Variants in ARFGEF1 observed in about 807,000 individuals in gnomAD.
ARFGEF1 encodes brefeldin A-inhibited guanine nucleotide-exchange protein 1.
ARFGEF1 carries 42 observed loss-of-function variants against 231.0 expected under a neutral mutation model. The observed-to-expected ratio is 0.18, with a 90% confidence interval of 0.14 to 0.24. The LOEUF is 0.24. Ranked by LOEUF, ARFGEF1 falls within the 10% of genes least tolerant of loss-of-function variation. ARFGEF1 has a pLI of 1.00. For missense variants in ARFGEF1, 1,345 were observed against 2,192.0 expected (o/e 0.61, Z 7.72); for synonymous variants, 710 against 732.3 (o/e 0.97, Z 0.49).
At chr8:67,265,766 C>T (rs548102060) in intron 14 of ARFGEF1, among the ~76,000 whole-genome samples, 3 of 151,988 alleles carry the variant, frequency 2.0e-5, no homozygotes, top group Non-Finnish European at 2.9e-5. Context: ...TGATACCCAT[C>T]AACAGCACTT....
downstream of ARFGEF1, chr8:67,195,310 C>T: frequency 1.1e-6 from 1 of 908,402 alleles, no homozygotes; most frequent in Non-Finnish European, 1.9e-6. Context: ...AGTTGGACTA[C>T]AAGAGACCTG....
At chr8:67,215,556 A>C (rs1164678719) in intron 33 of ARFGEF1, among the ~76,000 whole-genome samples, 1 of 152,230 alleles carries the variant, frequency 6.6e-6, no homozygotes, top group African/African-American at 2.4e-5. Context: ...TAAAACAAAA[A>C]GGAGAGGGAG....
intron 36 of ARFGEF1, among the ~76,000 whole-genome samples, 197 bp downstream of exon 36, chr8:67,202,885 TC>T (rs1381721514): frequency 6.6e-6 from 1 of 151,912 alleles, no homozygotes; most frequent in Admixed American, 6.6e-5. Flanking sequence ...GGGGAAAAAA[TC>T]CACCCAAGCA....
chr8:67,315,500 AAAC>A (rs564335873), intron 1 of ARFGEF1, among the ~76,000 whole-genome samples: 3 of 152,218 alleles, frequency 2.0e-5, no homozygotes, highest in Non-Finnish European at 4.4e-5. Context: ...TTGGGCCATA[AAAC>A]AAATCTCAAC....
At chr8:67,322,340 TC>T (rs1807635841) in intron 1 of ARFGEF1, among the ~76,000 whole-genome samples, 1 of 152,298 alleles carries the variant, frequency 6.6e-6, no homozygotes, top group East Asian at 1.9e-4. Flanking sequence ...TGCTCCTTCT[TC>T]CCCAGAATAC....
downstream of ARFGEF1, chr8:67,193,598 T>TA (rs748602759): frequency 1.8e-5 from 29 of 1,613,006 alleles, no homozygotes; most frequent in African/African-American, 3.6e-4. Flanking sequence ...AACCTATTAA[T>TA]ACAGGTAAAT....
At chr8:67,290,983 T>C (rs1294983850) in intron 6 of ARFGEF1, among the ~76,000 whole-genome samples, 1 of 150,424 alleles carries the variant, frequency 6.6e-6, no homozygotes, top group Non-Finnish European at 1.5e-5. Context: ...AATCAAGAGC[T>C]GAAAACATAT....
Position 67,252,229 on chromosome 8 carries a change from G to A in ARFGEF1, c.2699-779C>T, listed in dbSNP as rs149744068. Among the ~76,000 whole-genome samples, 436 of 135,988 alleles carry A rather than the reference G, an allele frequency of 3.2e-3. 3 individuals carry two copies. The highest frequency in any genetic ancestry group is 0.011 in the African/African-American group (389 of 35,980). The allele number at this position is 135,988 out of a possible 152,430, so 89.2% of individuals were successfully genotyped here. ...GGAGGTTGTGGTGAGCCAAGGTGGC[G>A]CCAAGCCAAGATCGCACCATTGCAC... On this transcript the variant is annotated intron_variant, in intron 18 of 38. Transcript: ENST00000262215.
chr8:67,284,785 C>T (rs537925818), intron 7 of ARFGEF1, among the ~76,000 whole-genome samples: 2 of 152,298 alleles, frequency 1.3e-5, no homozygotes, highest in Non-Finnish European at 2.9e-5. Flanking sequence ...ATCTCAGCAG[C>T]TAGCAACAAG....
At chr8:67,311,079 GC>G in intron 1 of ARFGEF1, among the ~76,000 whole-genome samples, 1 of 148,124 alleles carries the variant, frequency 6.8e-6, no homozygotes, top group East Asian at 2.1e-4. Flanking sequence ...GAGCCCCTCT[GC>G]CCGGCCAGCC....
At chr8:67,225,202 G>A (rs1839330309) in intron 28 of ARFGEF1, among the ~76,000 whole-genome samples, 169 bp from the exon 29 acceptor site, 1 of 152,152 alleles carries the variant, frequency 6.6e-6, no homozygotes, top group Admixed American at 6.6e-5. Context: ...TTTAGTATAT[G>A]TGCCACTGAA....
chr8:67,197,296 T>A (rs975469066), downstream of ARFGEF1, among the ~76,000 whole-genome samples: 2 of 151,998 alleles, frequency 1.3e-5, no homozygotes, highest in Non-Finnish European at 2.9e-5. Context: ...AAAAAAAATT[T>A]TTTTTTAATT....
downstream of ARFGEF1, chr8:67,193,536 C>T: frequency 6.2e-7 from 1 of 1,612,932 alleles, no homozygotes; most frequent in Non-Finnish European, 8.5e-7. Flanking sequence ...TGTTGATGAG[C>T]TTAGAGTGAG....
intron 19 of ARFGEF1, 139 bp from the exon 20 acceptor site, chr8:67,240,429 G>A (rs1052407474): frequency 1.3e-6 from 1 of 779,898 alleles, no homozygotes; most frequent in Non-Finnish European, 1.9e-6. Flanking sequence ...TTAAACAAAG[G>A]GGGAAAACTA....
downstream of ARFGEF1, chr8:67,195,525 G>GAGA (rs1218533141): frequency 6.2e-7 from 1 of 1,614,078 alleles, no homozygotes; most frequent in East Asian, 2.2e-5. Context: ...GCTGAACCAG[G>GAGA]AGCAGCAGCA....
intron 1 of ARFGEF1, among the ~76,000 whole-genome samples, chr8:67,316,952 C>T (rs927258063): frequency 5.9e-5 from 9 of 152,142 alleles, no homozygotes; most frequent in Admixed American, 5.9e-4. Context: ...ATGATCTCAG[C>T]CCCACCTCCA....
At chr8:67,252,722 G>C (rs1463533401) in intron 18 of ARFGEF1, among the ~76,000 whole-genome samples, 1 of 152,088 alleles carries the variant, frequency 6.6e-6, no homozygotes, top group Non-Finnish European at 1.5e-5. Flanking sequence ...CTAGAAGGGG[G>C]CTGGGTTCAC....
At chr8:67,256,119 T>C (rs1487098484) in intron 17 of ARFGEF1, among the ~76,000 whole-genome samples, 1 of 146,658 alleles carries the variant, frequency 6.8e-6, no homozygotes, top group East Asian at 2.0e-4. Flanking sequence ...ATGAAAAAAT[T>C]AGACTGAAAA....
chr8:67,228,759 T>C (rs1839463083), intron 23 of ARFGEF1, among the ~76,000 whole-genome samples: 1 of 152,054 alleles, frequency 6.6e-6, no homozygotes, highest in Non-Finnish European at 1.5e-5. Flanking sequence ...TACCCAAGAA[T>C]TGGCCAAACC....
Sources: allele counts gnomAD v4.1 joint callset (sites outside exome capture counted in the v4.1 genomes callset), GRCh38; gene constraint gnomAD v4.1.1; transcripts MANE v1.5; gene names NCBI Gene and HGNC (gene_info 2026-07-23, HGNC 2026-07-21).